Variants in NAALADL2 observed in about 807,000 individuals in gnomAD.
NAALADL2 encodes the protein inactive N-acetylated-alpha-linked acidic dipeptidase-like protein 2.
Under a neutral mutation model 87.2 loss-of-function variants are expected in NAALADL2, and 76 were observed. That is an observed-to-expected ratio of 0.87 (90% CI 0.72 to 1.05). NAALADL2 has a LOEUF of 1.05. Among genes scored for constraint, NAALADL2 ranks in the 50% least tolerant of loss-of-function variants. The probability of loss-of-function intolerance (pLI) is 0.00; values close to 1 mark genes in which losing one functional copy is unlikely to be tolerated. For missense variants in NAALADL2, 1,089 were observed against 945.8 expected (o/e 1.15, Z -1.99); for synonymous variants, 354 against 331.0 (o/e 1.07, Z -0.75).
intron 3 of NAALADL2, among the ~76,000 whole-genome samples, chr3:174,777,889 G>A (rs1715413428): frequency 6.6e-6 from 1 of 151,962 alleles, no homozygotes; most frequent in Admixed American, 6.6e-5. Context: ...AAGTTGGCTG[G>A]CAACTATAAG....
At chr3:175,080,458 A>G (rs939420756) in intron 1 of NAALADL2, among the ~76,000 whole-genome samples, 1 of 152,238 alleles carries the variant, frequency 6.6e-6, no homozygotes, top group African/African-American at 2.4e-5. Context: ...TGTATCAATA[A>G]GACAACTAAA....
intron 10 of NAALADL2, among the ~76,000 whole-genome samples, chr3:175,580,428 A>G (rs79536409): frequency 0.011 from 1,627 of 152,300 alleles, 9 homozygotes; most frequent in Non-Finnish European, 0.015. Context: ...AGAATTTGTT[A>G]CTTTCATTAC....
In NAALADL2 at chr3:174,789,577, A is replaced by G. The variant is rs141669590; in HGVS notation, c.-9+51831A>G. ...CTTCTAGAAATGATGCTGAGGATCA[A>G]TTGATTTTAAAACAAAAACACAAGA... On this transcript the variant is annotated intron_variant, in intron 3 of 3. Transcript: ENST00000434257. 2.6e-3 allele frequency among the ~76,000 whole-genome samples: 394 copies of G among 152,340 alleles called. 2 individuals are homozygous for G. Among genetic ancestry groups the G allele is most frequent in the African/African-American group, 9.1e-3 (379 of 41,582 alleles).
At chr3:174,819,279 G>T (rs1391848767) in intron 3 of NAALADL2, among the ~76,000 whole-genome samples, 1 of 151,382 alleles carries the variant, frequency 6.6e-6, no homozygotes, top group South Asian at 2.1e-4. Context: ...TGCCCAGGCT[G>T]GTTTTGAACT....
At chr3:174,518,797 A>G (rs986840676) in intron 1 of NAALADL2, among the ~76,000 whole-genome samples, 1 of 152,196 alleles carries the variant, frequency 6.6e-6, no homozygotes, top group Non-Finnish European at 1.5e-5. Flanking sequence ...AAGTTTAGAT[A>G]TATTCTAATT....
At chr3:174,797,729 C>T (rs1022955113) in intron 3 of NAALADL2, among the ~76,000 whole-genome samples, 2 of 151,930 alleles carry the variant, frequency 1.3e-5, no homozygotes, top group East Asian at 3.9e-4. Flanking sequence ...GAGCTTCCAG[C>T]CTCCAGAAAT....
At chr3:175,783,826 G>A (rs555043012) in intron 13 of NAALADL2, among the ~76,000 whole-genome samples, 2,914 of 143,000 alleles carry the variant, frequency 0.02, 133 homozygotes, top group African/African-American at 0.083. Context: ...TCAGTATGAT[G>A]TTGGCTGTGG....
At chr3:174,702,023 A>G (rs1729599010) in intron 2 of NAALADL2, among the ~76,000 whole-genome samples, 1 of 152,140 alleles carries the variant, frequency 6.6e-6, no homozygotes, top group East Asian at 1.9e-4. Flanking sequence ...TAGTTGTACC[A>G]TTTTCATTCC....
intron 9 of NAALADL2, among the ~76,000 whole-genome samples, chr3:175,476,173 G>A (rs977039459): frequency 9.9e-5 from 15 of 152,066 alleles, no homozygotes; most frequent in Non-Finnish European, 1.3e-4. Context: ...AGTCAACTAC[G>A]TTCGTTGGAG....
chr3:175,604,908 G>A (rs1224961081), intron 10 of NAALADL2, among the ~76,000 whole-genome samples: 2 of 152,158 alleles, frequency 1.3e-5, no homozygotes, highest in African/African-American at 2.4e-5. Flanking sequence ...AGAGAGATTG[G>A]CAGTGAGGAT....
chr3:174,547,979 C>T (rs940699655), intron 1 of NAALADL2, among the ~76,000 whole-genome samples: 8 of 152,196 alleles, frequency 5.3e-5, no homozygotes, highest in Non-Finnish European at 1.0e-4. Flanking sequence ...AAAGGAACCA[C>T]CTTTATAAAT....
rs765233495 is a variant in NAALADL2, at chr3:174,797,298, C to CTTTTTTT, written c.-9+59558_-9+59559insTTTTTTT. Among the ~76,000 whole-genome samples, 116 of 97,716 alleles carry CTTTTTTT rather than the reference C, an allele frequency of 1.2e-3. 10 individuals carry two copies. Among genetic ancestry groups the CTTTTTTT allele is most frequent in the South Asian group, 2.6e-3 (7 of 2,690 alleles). 64.1% of individuals were successfully genotyped at this position (97,716 alleles called of 152,430 possible). On this transcript the variant is annotated intron_variant, in intron 3 of 3. Transcript: ENST00000434257. ...CTGGGATCTTTTTTCTTTTGTTTTT[C>CTTTTTTT]TTTTTTCTTTTTTTTTTTTTTTTTT...
chr3:175,584,953 T>C (rs1204638301), intron 10 of NAALADL2, among the ~76,000 whole-genome samples: 1 of 152,160 alleles, frequency 6.6e-6, no homozygotes, highest in Non-Finnish European at 1.5e-5. Context: ...ACACTAAATT[T>C]ATTTTAAAAA....
chr3:175,766,913 C>CA (rs968092821), intron 13 of NAALADL2, among the ~76,000 whole-genome samples: 38 of 151,398 alleles, frequency 2.5e-4, no homozygotes, highest in African/African-American at 7.7e-4. Context: ...CTGTAAGCCA[C>CA]AAAAAAAATA....
intron 9 of NAALADL2, among the ~76,000 whole-genome samples, chr3:175,483,324 G>C (rs1560627379): frequency 7.4e-6 from 1 of 136,006 alleles, no homozygotes; most frequent in Non-Finnish European, 1.6e-5. Context: ...TTTACTTTTT[G>C]GCTTTTTTTT....
chr3:174,770,850 AAAAAAAAAAG>A (rs1335235145), intron 3 of NAALADL2, among the ~76,000 whole-genome samples: 3 of 150,644 alleles, frequency 2.0e-5, no homozygotes, highest in African/African-American at 4.9e-5. Flanking sequence ...GGTCTAACAA[AAAAAAAAAAG>A]AAAAAAAAAG....
intron 4 of NAALADL2, among the ~76,000 whole-genome samples, chr3:175,296,632 A>G (rs1325566916): frequency 2.0e-5 from 3 of 152,266 alleles, no homozygotes; most frequent in Admixed American, 2.0e-4. Context: ...ATATAGATTT[A>G]TGAAGAGAAA....
chr3:175,595,272 G>C (rs769394572), intron 10 of NAALADL2, among the ~76,000 whole-genome samples: 2 of 152,002 alleles, frequency 1.3e-5, no homozygotes, highest in African/African-American at 4.8e-5. Context: ...TCCATTGCTT[G>C]TTTTTGTTGG....
intron 1 of NAALADL2, among the ~76,000 whole-genome samples, chr3:174,892,861 G>A (rs1244848652): frequency 6.7e-6 from 1 of 148,474 alleles, no homozygotes; most frequent in East Asian, 2.0e-4. Flanking sequence ...GGTGGAGGTT[G>A]CAGTGAGCCA....
Sources: allele counts gnomAD v4.1 joint callset (sites outside exome capture counted in the v4.1 genomes callset), GRCh38; gene constraint gnomAD v4.1.1; transcripts MANE v1.5; gene names NCBI Gene and HGNC (gene_info 2026-07-23, HGNC 2026-07-21).